Variants in PKIG observed in about 807,000 individuals in gnomAD.
PKIG encodes protein kinase (cAMP-dependent, catalytic) inhibitor gamma.
PKIG carries 1 observed loss-of-function variant against 6.8 expected under a neutral mutation model. The observed-to-expected ratio is 0.15, with a 90% confidence interval of 0.05 to 0.69. PKIG has a LOEUF of 0.69. Ranked by LOEUF, PKIG falls within the 30% of genes least tolerant of loss-of-function variation. The probability of loss-of-function intolerance (pLI) is 0.82; values close to 1 mark genes in which losing one functional copy is unlikely to be tolerated. For missense variants in PKIG, 77 were observed against 104.0 expected, an observed-to-expected ratio of 0.74 and a Z score of 1.13; for synonymous variants, 39 against 43.0, an observed-to-expected ratio of 0.91 and a Z score of 0.36.
At chr20:44,577,836 A>G (rs891347211), upstream of PKIG, among the ~76,000 whole-genome samples, 7 of 152,138 alleles carry the variant, frequency 4.6e-5, no homozygotes, top group African/African-American at 1.4e-4. Flanking sequence ...GTCAGTTGCT[A>G]GCTGATATAG....
intron 2 of PKIG, among the ~76,000 whole-genome samples, chr20:44,604,318 T>G (rs1568832056): frequency 6.6e-6 from 1 of 152,174 alleles, no homozygotes; most frequent in Non-Finnish European, 1.5e-5. Flanking sequence ...AGGGAATGAA[T>G]GAGAGAGAGT....
At position 44,548,889 on chromosome 20, in the gene PKIG, CACACACACACACACAT is replaced by C. The variant is rs920319320; in HGVS notation, c.-241+16913_-241+16928del. On this transcript the variant is annotated intron_variant, in intron 1 of 4. Transcript: ENST00000372887. ...ACACACACACACACACACACACACACACACACACACACACATATATCTGTCTGAGATAATAATTAGA... is the reference window on the plus strand; with the variant it reads ...ACACACACACACACACACACACACACATATCTGTCTGAGATAATAATTAGA... Among the ~76,000 whole-genome samples the C allele has an allele frequency of 2.1e-4, 30 of 145,892 alleles. 1 individual carries two copies. The highest frequency in any genetic ancestry group is 4.1e-4 in the Admixed American group (6 of 14,636).
intron 1 of PKIG, among the ~76,000 whole-genome samples, chr20:44,546,808 C>T (rs891140027): frequency 6.6e-6 from 1 of 152,024 alleles, no homozygotes; most frequent in Non-Finnish European, 1.5e-5. Flanking sequence ...CCCGTCTCAG[C>T]GTCCCAAAGT....
rs562462075 is a variant in PKIG at position 44,612,663 on chromosome 20, C to T, written c.-23-1871C>T. ...CTACTGGTGGGAATATAAATAAAAA[C>T]AGCACTGACTTTATAAGTCTTTCTG... On this transcript the variant is annotated intron_variant, in intron 2 of 3. Coordinates refer to ENST00000372886, the MANE Select transcript of PKIG (RefSeq NM_001281445.2). 2.6e-5 allele frequency among the ~76,000 whole-genome samples: 4 copies of T among 152,296 alleles called. No individual in the cohort carries two copies. The East Asian group carries it at 7.7e-4, about 29-fold the overall frequency.
chr20:44,534,716 G>T (rs1358009818), intron 1 of PKIG, among the ~76,000 whole-genome samples: 1 of 152,074 alleles, frequency 6.6e-6, no homozygotes, highest in African/African-American at 2.4e-5. Context: ...TGATCCACCC[G>T]CATCGGCCTC....
chr20:44,561,593 G>A (rs1235323804), intron 1 of PKIG, among the ~76,000 whole-genome samples: 2 of 152,130 alleles, frequency 1.3e-5, no homozygotes, highest in Admixed American at 1.3e-4. Flanking sequence ...CCAGTGACAA[G>A]TTCTAATATG....
At chr20:44,587,576 G>A (rs1187259456) in intron 1 of PKIG, among the ~76,000 whole-genome samples, 1 of 152,052 alleles carries the variant, frequency 6.6e-6, no homozygotes, top group Non-Finnish European at 1.5e-5. Context: ...TTTTCCGTTG[G>A]TTTGTTTTTA....
At chr20:44,581,317 A>G (rs983524276), upstream of PKIG, among the ~76,000 whole-genome samples, 1 of 152,244 alleles carries the variant, frequency 6.6e-6, no homozygotes, top group Non-Finnish European at 1.5e-5. Flanking sequence ...AATACTTAGT[A>G]TGTACCAAAT....
intron 1 of PKIG, among the ~76,000 whole-genome samples, chr20:44,546,166 C>T (rs1216672209): frequency 6.6e-6 from 1 of 152,122 alleles, no homozygotes; most frequent in Non-Finnish European, 1.5e-5. Flanking sequence ...GGAGAATCAC[C>T]TGAGCCCAGG....
chr20:44,610,249 AAGGC>A (rs1471132174), intron 2 of PKIG, among the ~76,000 whole-genome samples: 2 of 152,134 alleles, frequency 1.3e-5, no homozygotes. Context: ...GGCCCCAAGA[AAGGC>A]AGGGTCTTGC....
chr20:44,567,426 T>C (rs2064819343), intron 1 of PKIG, among the ~76,000 whole-genome samples: 1 of 152,264 alleles, frequency 6.6e-6, no homozygotes, highest in African/African-American at 2.4e-5. Flanking sequence ...TGCTTCATTT[T>C]CATCTCGCTG....
At chr20:44,542,435 G>T (rs908068124) in intron 1 of PKIG, among the ~76,000 whole-genome samples, 2 of 151,688 alleles carry the variant, frequency 1.3e-5, no homozygotes, top group Admixed American at 6.6e-5. Flanking sequence ...AAAAGCTGAT[G>T]GTTTAATCTT....
chr20:44,547,245 T>C (rs899797720), intron 1 of PKIG, among the ~76,000 whole-genome samples: 1 of 152,172 alleles, frequency 6.6e-6, no homozygotes, highest in African/African-American at 2.4e-5. Flanking sequence ...ACATTCCGTG[T>C]TGGAGCAAAA....
At chr20:44,615,729 G>A (rs909084209) in intron 3 of PKIG, among the ~76,000 whole-genome samples, 10 of 152,220 alleles carry the variant, frequency 6.6e-5, no homozygotes, top group African/African-American at 2.2e-4. Context: ...CCCCTCCCTG[G>A]GTAGCCCTAG....
intron 2 of PKIG, among the ~76,000 whole-genome samples, chr20:44,610,859 C>T (rs890639161): frequency 6.6e-6 from 1 of 151,910 alleles, no homozygotes; most frequent in African/African-American, 2.4e-5. Flanking sequence ...GCCCATCTGG[C>T]ACATTTCTTT....
At chr20:44,594,326 G>A (rs765284204) in intron 2 of PKIG, among the ~76,000 whole-genome samples, 13 of 152,068 alleles carry the variant, frequency 8.5e-5, no homozygotes, top group African/African-American at 1.4e-4. Context: ...CATTGTCCCC[G>A]TTTCACAGAT....
At chr20:44,589,349 GA>G (rs1036412002) in intron 1 of PKIG, among the ~76,000 whole-genome samples, 9 of 151,954 alleles carry the variant, frequency 5.9e-5, no homozygotes, top group African/African-American at 2.2e-4. Flanking sequence ...AAATTAAAAA[GA>G]AAATGTAAAG....
chr20:44,586,310 A>G (rs775500680), intron 1 of PKIG, among the ~76,000 whole-genome samples: 11 of 152,234 alleles, frequency 7.2e-5, no homozygotes, highest in African/African-American at 1.4e-4. Context: ...ATGTCAGCCA[A>G]TGTACACAGG....
intron 2 of PKIG, among the ~76,000 whole-genome samples, chr20:44,599,494 C>T (rs562969323): frequency 4.6e-5 from 7 of 152,242 alleles, no homozygotes; most frequent in African/African-American, 1.7e-4. Flanking sequence ...GAGGCTGAGG[C>T]GGGCGGATCA....
Sources: allele counts gnomAD v4.1 joint callset (sites outside exome capture counted in the v4.1 genomes callset), GRCh38; gene constraint gnomAD v4.1.1; transcripts MANE v1.5; gene names NCBI Gene and HGNC (gene_info 2026-07-23, HGNC 2026-07-21).